The following GDPD4 variants were observed in gnomAD, a reference collection of about 807,000 sequenced individuals.
The protein encoded by GDPD4 is glycerophosphodiester phosphodiesterase 6.
Under a neutral mutation model 67.8 loss-of-function variants are expected in GDPD4, and 60 were observed. That is an observed-to-expected ratio of 0.88 (90% CI 0.72 to 1.10). The LOEUF (loss-of-function observed/expected upper bound fraction) is 1.10. Among genes scored for constraint, GDPD4 ranks in the 50% least tolerant of loss-of-function variants. GDPD4 has a pLI of 0.00. For missense variants in GDPD4, 623 were observed against 613.9 expected (o/e 1.01, Z -0.16); for synonymous variants, 212 against 210.9 (o/e 1.00, Z -0.04).
intron 1 of GDPD4, among the ~76,000 whole-genome samples, chr11:77,299,241 A>G (rs1226401213): frequency 6.6e-6 from 1 of 152,170 alleles, no homozygotes; most frequent in Non-Finnish European, 1.5e-5. Context: ...AGAATTAGGT[A>G]TTCTGTCCCA....
At chr11:77,300,761 A>T (rs2135903222) in intron 1 of GDPD4, among the ~76,000 whole-genome samples, 1 of 152,356 alleles carries the variant, frequency 6.6e-6, no homozygotes, top group African/African-American at 2.4e-5. Context: ...ATCAGTAAGA[A>T]AAACAAATTG....
intron 13 of GDPD4, among the ~76,000 whole-genome samples, chr11:77,239,776 C>G (rs1958629559): frequency 6.6e-6 from 1 of 151,986 alleles, no homozygotes; most frequent in East Asian, 1.9e-4. Flanking sequence ...GCCTGGCTAA[C>G]ATGGGGAAAC....
At chr11:77,252,054 G>GTTTGTTTTTTTTTTTTT (rs1565523210) in intron 11 of GDPD4, among the ~76,000 whole-genome samples, 1 of 42,340 alleles carries the variant, frequency 2.4e-5, no homozygotes, top group African/African-American at 5.3e-5. Flanking sequence ...TTGTTTGTTT[G>GTTTGTTTTTTTTTTTTT]TTTTTTTTTT....
intron 10 of GDPD4, among the ~76,000 whole-genome samples, chr11:77,264,090 T>A (rs930715149): frequency 4.6e-5 from 7 of 152,186 alleles, no homozygotes; most frequent in African/African-American, 1.7e-4. Flanking sequence ...GGTGTATGGC[T>A]GGCTGGGCTT....
intron 8 of GDPD4, 114 bp downstream of exon 8, chr11:77,269,769 C>T (rs913092148): frequency 1.6e-6 from 1 of 615,020 alleles, no homozygotes; most frequent in African/African-American, 1.9e-5. Flanking sequence ...CTGCGATAAC[C>T]AGCCATTCCC....
At chr11:77,295,013 T>G (rs1345541874) in intron 1 of GDPD4, among the ~76,000 whole-genome samples, 1 of 147,708 alleles carries the variant, frequency 6.8e-6, no homozygotes, top group Non-Finnish European at 1.5e-5. Context: ...GTCACCCAGG[T>G]TGGAGTGCAG....
Position 77,243,858 on chromosome 11 carries a change from G to A in GDPD4, c.1087-10C>T. 6.2e-7 allele frequency: 1 copy of A among 1,606,506 alleles called. No individual in the cohort carries two copies. Among genetic ancestry groups the A allele is most frequent in the Non-Finnish European group, 8.5e-7 (1 of 1,174,448 alleles). On this transcript the variant is annotated splice_polypyrimidine_tract_variant and intron_variant, in intron 12 of 16. Coordinates refer to ENST00000315938, the MANE Select transcript of GDPD4 (RefSeq NM_182833.3). Reference sequence around the variant, plus strand: ...CTGGCAACCAAAAAATCTCTAAGGAGAAACAAGAAGTCCCTCAGTAGATAA... The same window carrying A: ...CTGGCAACCAAAAAATCTCTAAGGAAAAACAAGAAGTCCCTCAGTAGATAA...
chr11:77,300,534 A>T (rs889929641), intron 1 of GDPD4, among the ~76,000 whole-genome samples: 1 of 72,304 alleles, frequency 1.4e-5, no homozygotes, highest in African/African-American at 5.2e-5. Context: ...CACACCTCTT[A>T]AAAAAAAAAC....
At position 77,233,287 on chromosome 11, in the gene GDPD4, T is replaced by C. The variant is rs942210238; in HGVS notation, c.1242-115A>G. 1.5e-5 allele frequency: 14 copies of C among 906,814 alleles called. No individual in the cohort carries two copies. The African/African-American group carries it at 2.0e-4, about 13-fold the overall frequency. The allele number at this position is 906,814 out of a possible 1,614,324, so 56.2% of individuals were successfully genotyped here. On this transcript the variant is annotated intron_variant, in intron 13 of 16. Transcript: ENST00000315938. ...TGTTGCCTAAATCACCAGAAGCAGCTGATCCAGGGACAATTCATGATACGA... is the reference window on the plus strand; with the variant it reads ...TGTTGCCTAAATCACCAGAAGCAGCCGATCCAGGGACAATTCATGATACGA...
intron 16 of GDPD4, among the ~76,000 whole-genome samples, chr11:77,223,340 C>G (rs1055473984): frequency 6.6e-6 from 1 of 152,144 alleles, no homozygotes; most frequent in Admixed American, 6.5e-5. Context: ...TACCCTTGGT[C>G]TTTGATGATG....
At chr11:77,244,630 A>C (rs1044719682) in intron 12 of GDPD4, among the ~76,000 whole-genome samples, 2 of 152,102 alleles carry the variant, frequency 1.3e-5, no homozygotes, top group South Asian at 4.1e-4. Flanking sequence ...CTTGAGCCCA[A>C]GAGTTTGAGA....
intron 1 of GDPD4, among the ~76,000 whole-genome samples, chr11:77,290,826 G>A (rs938141462): frequency 6.6e-6 from 1 of 152,126 alleles, no homozygotes; most frequent in Admixed American, 6.5e-5. Context: ...ACCACAGTGA[G>A]ACATTATCTT....
At chr11:77,293,476 T>A (rs1937847943) in intron 1 of GDPD4, among the ~76,000 whole-genome samples, 1 of 151,884 alleles carries the variant, frequency 6.6e-6, no homozygotes, top group African/African-American at 2.4e-5. Context: ...ATCCCTGTAG[T>A]CCCAGCTTCT....
At chr11:77,266,603 G>A (rs1959179267) in intron 10 of GDPD4, among the ~76,000 whole-genome samples, 1 of 152,144 alleles carries the variant, frequency 6.6e-6, no homozygotes, top group Admixed American at 6.6e-5. Flanking sequence ...TGTTTTCATA[G>A]GAGATGACCG....
intron 4 of GDPD4, among the ~76,000 whole-genome samples, chr11:77,277,163 G>A (rs79404629): frequency 6.6e-6 from 1 of 151,474 alleles, no homozygotes; most frequent in Admixed American, 6.6e-5. Flanking sequence ...GCATAAAAGT[G>A]GTACAATTCA....
chr11:77,249,215 G>A (rs373731247), intron 11 of GDPD4, among the ~76,000 whole-genome samples: 6 of 143,210 alleles, frequency 4.2e-5, no homozygotes, highest in East Asian at 4.1e-4. Context: ...GCAGTGAGCC[G>A]AGATCACGCC....
At chr11:77,271,023 C>T (rs1264195614) in intron 7 of GDPD4, 107 bp downstream of exon 7, 28 of 731,892 alleles carry the variant, frequency 3.8e-5, no homozygotes, top group South Asian at 6.8e-5. Flanking sequence ...TGAATTTCAA[C>T]GAGGCATAGG....
Position 77,227,373 on chromosome 11 carries a change from C to T in GDPD4, c.1525+491G>A, listed in dbSNP as rs114722908. On this transcript the variant is annotated intron_variant, in intron 16 of 16. Transcript: ENST00000315938. ...CAACATATATCACCCACAAATGATA[C>T]CCATAAAGCACCTTCCCCCTAATGG... Among the ~76,000 whole-genome samples, 1,147 of 152,316 alleles carry T rather than the reference C, an allele frequency of 7.5e-3. 19 individuals are homozygous for T. The highest frequency in any genetic ancestry group is 0.025 in the African/African-American group (1,036 of 41,566).
intron 3 of GDPD4, among the ~76,000 whole-genome samples, chr11:77,281,197 A>T (rs1196435182): frequency 6.6e-6 from 1 of 152,188 alleles, no homozygotes; most frequent in Non-Finnish European, 1.5e-5. Context: ...TTATCATTAT[A>T]ACAATGTTTA....
Sources: gnomAD v4.1 joint callset for allele counts (sites outside exome capture counted in the v4.1 genomes callset) on GRCh38, gnomAD v4.1.1 for gene constraint, MANE v1.5 for transcripts, NCBI Gene and HGNC (gene_info 2026-07-23, HGNC 2026-07-21) for gene names.